The following TBC1D1 variants were observed in gnomAD, a reference collection of about 807,000 sequenced individuals.
TBC1D1 encodes the protein TBC1 domain family member 1.
TBC1D1 carries 89 observed loss-of-function variants against 125.6 expected under a neutral mutation model. That is an observed-to-expected ratio of 0.71 (90% CI 0.60 to 0.85). TBC1D1 has a LOEUF of 0.85. TBC1D1 is among the 40% of genes least tolerant of loss of function. The pLI is 0.00. For missense variants in TBC1D1, 1,377 were observed against 1,469.2 expected (o/e 0.94, Z 1.03); for synonymous variants, 565 against 564.1 (o/e 1.00, Z -0.02).
At chr4:38,108,341 G>A (rs1468729047) in intron 15 of TBC1D1, among the ~76,000 whole-genome samples, 1 of 152,240 alleles carries the variant, frequency 6.6e-6, no homozygotes, top group African/African-American at 2.4e-5. Flanking sequence ...TCCCATGATA[G>A]GAGGGCTTCA....
At chr4:37,961,169 C>T (rs1729968344) in intron 2 of TBC1D1, 1 of 1,025,408 alleles carries the variant, frequency 9.8e-7, no homozygotes, top group South Asian at 1.6e-5. Context: ...TCTCAGCTGT[C>T]CCTTGTTTCT....
At chr4:37,906,704 T>C (rs1214886003) in intron 2 of TBC1D1, among the ~76,000 whole-genome samples, 5 of 152,240 alleles carry the variant, frequency 3.3e-5, no homozygotes, top group African/African-American at 1.2e-4. Flanking sequence ...TAATACAAGT[T>C]TATTTGGTGC....
chr4:38,023,937 T>C (rs1744579629), intron 6 of TBC1D1, among the ~76,000 whole-genome samples: 1 of 152,218 alleles, frequency 6.6e-6, no homozygotes, highest in African/African-American at 2.4e-5. Flanking sequence ...CCACTGGCAG[T>C]GGGTAAGGAC....
At position 38,014,403 on chromosome 4, in the gene TBC1D1, C is replaced by T. The variant is rs1742172180; in HGVS notation, c.418-106C>T. The T allele has an allele frequency of 1.8e-6, 2 of 1,101,350 alleles. No homozygotes were observed. The highest frequency in any genetic ancestry group is 2.7e-6 in the Non-Finnish European group (2 of 754,572). 68.2% of individuals were successfully genotyped at this position (1,101,350 alleles called of 1,614,324 possible). On this transcript the variant is annotated intron_variant, in intron 2 of 19. Coordinates refer to ENST00000261439, the MANE Select transcript of TBC1D1 (RefSeq NM_015173.4). The surrounding 1 kb of genome is among the most constrained non-coding windows in gnomAD (Gnocchi z 5.1). ...CCAGTGGGCTCCTCCTCCAGTGCTC[C>T]GCAGTGGAGTAGCCAGCGGGGCGTC... is the stretch of plus-strand genomic sequence containing the variant.
At chr4:38,058,796 G>C (rs1171373305) in intron 12 of TBC1D1, among the ~76,000 whole-genome samples, 1 of 152,110 alleles carries the variant, frequency 6.6e-6, no homozygotes, top group Non-Finnish European at 1.5e-5. Context: ...AATGTTACTA[G>C]TGAAGGAAAA....
chr4:38,075,619 T>C (rs1300576579), intron 12 of TBC1D1, among the ~76,000 whole-genome samples: 1 of 152,248 alleles, frequency 6.6e-6, no homozygotes, highest in Non-Finnish European at 1.5e-5. Flanking sequence ...AGTCATGGGC[T>C]TCCTTTAATG....
At chr4:37,922,511 A>AGC (rs1560481459) in intron 2 of TBC1D1, among the ~76,000 whole-genome samples, 2 of 151,996 alleles carry the variant, frequency 1.3e-5, no homozygotes, top group Non-Finnish European at 2.9e-5. Context: ...GCCGTCCTGA[A>AGC]TCATGTGCTA....
chr4:38,039,444 C>T (rs751557962), intron 8 of TBC1D1, among the ~76,000 whole-genome samples: 1 of 152,048 alleles, frequency 6.6e-6, no homozygotes, highest in East Asian at 1.9e-4. Context: ...GTTCTGGCTC[C>T]TTCCACTTAG....
At chr4:38,075,157 A>C (rs1375870841) in intron 12 of TBC1D1, among the ~76,000 whole-genome samples, 4 of 152,236 alleles carry the variant, frequency 2.6e-5, no homozygotes, top group Admixed American at 1.3e-4. Flanking sequence ...CTTACCACAA[A>C]AACAGTTTTC....
At chr4:37,916,394 T>C (rs991569757) in intron 2 of TBC1D1, among the ~76,000 whole-genome samples, 2 of 152,162 alleles carry the variant, frequency 1.3e-5, no homozygotes, top group Admixed American at 1.3e-4. Context: ...CATCTTTTTA[T>C]GGTGATAGAG....
intron 15 of TBC1D1, chr4:38,112,026 G>T (rs1246502919): frequency 2.0e-6 from 2 of 985,324 alleles, no homozygotes; most frequent in Non-Finnish European, 2.4e-6. Context: ...CCAGTTTCAT[G>T]CAGGACAGAT....
At chr4:37,962,370 G>A (rs900294103) in intron 2 of TBC1D1, among the ~76,000 whole-genome samples, 4 of 152,200 alleles carry the variant, frequency 2.6e-5, no homozygotes, top group Non-Finnish European at 5.9e-5. Context: ...AACCATAGGT[G>A]TATCCCATGG....
rs1484069862 is a variant in TBC1D1, at chr4:38,115,891, C to CT, written c.2739_2740insT (p.Lys914Ter). ...GTGAGGAAGAGGCGTTTAAAATGCT[C>CT]AAGTTTCTGATGTTTGACATGGGGC... On this transcript the variant is annotated frameshift_variant, in exon 16 of 20. Coordinates refer to ENST00000261439, the MANE Select transcript of TBC1D1 (RefSeq NM_015173.4). LOFTEE classifies it high-confidence loss of function. 6.2e-7 allele frequency: 1 copy of CT among 1,614,158 alleles called. No homozygotes were observed. Among genetic ancestry groups the CT allele is most frequent in the Non-Finnish European group, 8.5e-7 (1 of 1,180,034 alleles).
chr4:37,992,493 GTTTTTTTTTT>G (rs1006353203), intron 2 of TBC1D1, among the ~76,000 whole-genome samples: 2 of 125,528 alleles, frequency 1.6e-5, no homozygotes, highest in African/African-American at 6.4e-5. Flanking sequence ...GAAGTCTGGT[GTTTTTTTTTT>G]TTTTTTTTTG....
intron 12 of TBC1D1, among the ~76,000 whole-genome samples, chr4:38,081,920 C>G (rs1224008189): frequency 2.6e-5 from 4 of 152,152 alleles, no homozygotes; most frequent in Non-Finnish European, 5.9e-5. Context: ...AGTTCTAGTC[C>G]TGGATTCACC....
intron 2 of TBC1D1, chr4:37,961,023 T>A: frequency 6.2e-7 from 1 of 1,613,820 alleles, no homozygotes; most frequent in Non-Finnish European, 8.5e-7. Context: ...TGCCAGCTGT[T>A]TGCTATGACA....
intron 16 of TBC1D1, 90 bp downstream of exon 18, chr4:38,116,044 G>C (rs934319023): frequency 1.4e-6 from 2 of 1,433,726 alleles, no homozygotes; most frequent in Non-Finnish European, 1.9e-6. Flanking sequence ...CTTTTTCACC[G>C]TCAGGTAACA....
At chr4:38,076,784 A>AT (rs1405983154) in intron 12 of TBC1D1, among the ~76,000 whole-genome samples, 1 of 151,700 alleles carries the variant, frequency 6.6e-6, no homozygotes, top group East Asian at 1.9e-4. Context: ...CAACCAAAAT[A>AT]TTTTTTTCAG....
Position 38,054,223 on chromosome 4 carries a change from T to C in TBC1D1, c.1935T>C (p.His645=), listed in dbSNP as rs199769916. ...GGGACTTTGAATCCAAAGCAAACCA[T>C]CTTGGTGATTCTGGTGGGACTCCTG... The change falls in exon 12 of 20, where the codon CAT becomes CAC. Residue 645 remains histidine (H), a synonymous_variant. Coordinates refer to ENST00000261439, the MANE Select transcript of TBC1D1 (RefSeq NM_015173.4). The C allele has an allele frequency of 6.2e-7, 1 of 1,614,192 alleles. No individual in the cohort carries two copies.
Sources: gnomAD v4.1 joint callset for allele counts (sites outside exome capture counted in the v4.1 genomes callset) on GRCh38, gnomAD v4.1.1 for gene constraint, Gnocchi (gnomAD v3.1) non-coding constraint, MANE v1.5 for transcripts, NCBI Gene and HGNC (gene_info 2026-07-23, HGNC 2026-07-21) for gene names.